ZBTB25: variants seen among roughly 807,000 people sequenced by gnomAD.
The protein encoded by ZBTB25 is zinc finger and BTB domain containing 25, also known as zinc finger and BTB domain-containing protein 25.
A neutral mutation model predicts 34.2 loss-of-function variants in ZBTB25; 20 were observed. The observed-to-expected ratio is 0.58, with a 90% CI of 0.41 to 0.85. The LOEUF (loss-of-function observed/expected upper bound fraction) is 0.85. Among genes scored for constraint, ZBTB25 ranks in the 40% least tolerant of loss-of-function variants. The pLI, the probability that ZBTB25 is intolerant of heterozygous loss-of-function variation, is 0.00. For synonymous variants in ZBTB25, 175 were observed against 186.4 expected, an observed-to-expected ratio of 0.94 and a Z score of 0.50; for missense variants, 437 against 521.8, an observed-to-expected ratio of 0.84 and a Z score of 1.58.
intron 2 of ZBTB25, among the ~76,000 whole-genome samples, chr14:64,459,351 G>A (rs1234486366): frequency 1.3e-5 from 2 of 152,132 alleles, no homozygotes. Flanking sequence ...ACAGGTTGGG[G>A]GAGCACCTGA....
intron 2 of ZBTB25, chr14:64,471,088 T>C (rs1230863580): frequency 6.0e-6 from 1 of 167,060 alleles, no homozygotes; most frequent in Non-Finnish European, 1.5e-5. Flanking sequence ...TGTCTGTGTG[T>C]TGAGACCAGT....
chr14:64,468,382 G>C (rs769429616), intron 2 of ZBTB25: 1 of 1,587,972 alleles, frequency 6.3e-7, no homozygotes. Context: ...GAGAATAAGA[G>C]TGCAGTGTAA....
At chr14:64,449,396 G>T in exon 3 of ZBTB25, 1 of 1,592,500 alleles carries the variant, frequency 6.3e-7, no homozygotes, top group Non-Finnish European at 8.6e-7. Flanking sequence ...AGACAATTCT[G>T]TCTCTCCAGC....
chr14:64,503,140 A>G (rs745490571), intron 1 of ZBTB25: 17 of 985,548 alleles, frequency 1.7e-5, no homozygotes, highest in Non-Finnish European at 1.9e-5. Context: ...TCAAAAAGAA[A>G]AACCGGATAT....
chr14:64,495,708 G>T (rs1436479932), intron 1 of ZBTB25, among the ~76,000 whole-genome samples: 1 of 152,204 alleles, frequency 6.6e-6, no homozygotes, highest in Non-Finnish European at 1.5e-5. Flanking sequence ...TGTAATCCCA[G>T]AACTTTGGGA....
Position 64,488,030 on chromosome 14 carries a change from G to A in ZBTB25, c.201C>T (p.Asp67=), listed in dbSNP as rs765346022. 7 of 1,612,404 alleles carry A rather than the reference G, an allele frequency of 4.3e-6. No individual in the cohort carries two copies. The highest frequency in any genetic ancestry group is 1.7e-5 in the Admixed American group (1 of 59,974). The part of the protein sequence containing the change: ...TSECIKIQPT[D]IQPDIFSYLL... ...AATAGCTGAATATGTCAGGTTGGATGTCAGTTGGTTGTATTTTTATGCATT... is the reference window on the plus strand; with the variant it reads ...AATAGCTGAATATGTCAGGTTGGATATCAGTTGGTTGTATTTTTATGCATT... Residue 67 remains aspartate, a synonymous_variant, in exon 3 of 3, where the codon GAC becomes GAT. Coordinates refer to ENST00000608382, the MANE Select transcript of ZBTB25 (RefSeq NM_006977.5).
chr14:64,452,831 AC>A (rs1221829931), intron 2 of ZBTB25, among the ~76,000 whole-genome samples: 23 of 152,176 alleles, frequency 1.5e-4, no homozygotes, highest in African/African-American at 5.5e-4. Flanking sequence ...GTTTGACAGG[AC>A]TGATCTCCAG....
intron 2 of ZBTB25, chr14:64,467,970 A>C (rs1163128921): frequency 1.3e-5 from 2 of 153,942 alleles, no homozygotes; most frequent in Non-Finnish European, 2.9e-5. Context: ...TGAACTCTTT[A>C]ATAGGGCCAA....
chr14:64,477,139 A>G (rs1226251556), downstream of ZBTB25, among the ~76,000 whole-genome samples: 1 of 152,228 alleles, frequency 6.6e-6, no homozygotes, highest in Non-Finnish European at 1.5e-5. Flanking sequence ...TACTTGCTGC[A>G]GAAATTCAAA....
intron 2 of ZBTB25, chr14:64,459,921 T>C: frequency 6.5e-7 from 1 of 1,535,210 alleles, no homozygotes; most frequent in Non-Finnish European, 8.7e-7. Flanking sequence ...CAGCCTTAAT[T>C]CTCATCATGT....
chr14:64,500,475 A>AAAAAAAGAG (rs35009526), intron 1 of ZBTB25, among the ~76,000 whole-genome samples: 1 of 70,522 alleles, frequency 1.4e-5, no homozygotes, highest in African/African-American at 3.7e-5. Context: ...AAAAAAAAAA[A>AAAAAAAGAG]AGAGAGAGAG....
At chr14:64,504,820 C>G (rs1261896409), upstream of ZBTB25, 1 of 390,106 alleles carries the variant, frequency 2.6e-6, no homozygotes, top group East Asian at 3.7e-5. Context: ...CAGCCCAGCC[C>G]GAGCGCCGAG....
downstream of ZBTB25, among the ~76,000 whole-genome samples, chr14:64,475,203 G>T (rs2078708282): frequency 6.6e-6 from 1 of 152,154 alleles, no homozygotes; most frequent in African/African-American, 2.4e-5. Context: ...ACGTTGGGAG[G>T]CCGAGGCGGG....
intron 1 of ZBTB25, chr14:64,503,378 T>C (rs1237560923): frequency 4.1e-6 from 4 of 985,280 alleles, no homozygotes; most frequent in Non-Finnish European, 4.8e-6. Flanking sequence ...GGGACGGCTC[T>C]GCACCTTCGC....
At position 64,484,987 on chromosome 14, in the gene ZBTB25, G is replaced by C. The variant is rs2078842694; in HGVS notation, c.*1936C>G. 1 of 984,688 alleles carries C rather than the reference G, an allele frequency of 1.0e-6. No individual in the cohort carries two copies. Among genetic ancestry groups the C allele is most frequent in the Non-Finnish European group, 1.2e-6 (1 of 829,246 alleles). The allele number at this position is 984,688 out of a possible 1,614,324, so 61.0% of individuals were successfully genotyped here. A position where few individuals can be genotyped will look rare whatever the true frequency, so the allele number is the denominator to read the frequency against. ...TGTTTTAATTACTCCCAATACAATT[G>C]ATCTTATCAAGTTAGATGTGCTCTC... On this transcript the variant is annotated 3_prime_UTR_variant, in exon 3 of 3. Coordinates refer to ENST00000608382, the MANE Select transcript of ZBTB25 (RefSeq NM_006977.5).
At chr14:64,450,043 G>C (rs1349297318) in intron 2 of ZBTB25, among the ~76,000 whole-genome samples, 1 of 152,166 alleles carries the variant, frequency 6.6e-6, no homozygotes, top group African/African-American at 2.4e-5. Context: ...ACCTGCCTTG[G>C]CCTCCCAAAG....
intron 2 of ZBTB25, chr14:64,449,700 A>G: frequency 7.3e-6 from 11 of 1,506,692 alleles, no homozygotes; most frequent in South Asian, 3.5e-5. Context: ...TACTTCTATT[A>G]GAGCCCCATG....
At position 64,485,337 on chromosome 14, in the gene ZBTB25, C is replaced by T. The variant is rs1453005; in HGVS notation, c.*1586G>A. 805,177 of 985,318 alleles carry T rather than the reference C, an allele frequency of 0.82. 328,957 individuals carry two copies. The highest frequency in any genetic ancestry group is 0.88 in the East Asian group (7,772 of 8,818). The allele number at this position is 985,318 out of a possible 1,614,324, so 61.0% of individuals were successfully genotyped here. ...AATTTTTTAGATGTATTCAAATGCC[C>T]GTGAAGCTTAGAATTTAACAAGAGG... is the stretch of plus-strand genomic sequence containing the variant. On this transcript the variant is annotated 3_prime_UTR_variant, in exon 3 of 3. Transcript: ENST00000608382.
At chr14:64,473,805 A>T (rs1021124528), downstream of ZBTB25, 3 of 166,986 alleles carry the variant, frequency 1.8e-5, no homozygotes, top group African/African-American at 7.2e-5. Flanking sequence ...TTTAAGATTT[A>T]GAGTTCTTTA....
Sources: allele counts gnomAD v4.1 joint callset (sites outside exome capture counted in the v4.1 genomes callset), GRCh38; gene constraint gnomAD v4.1.1; transcripts MANE v1.5; gene names NCBI Gene and HGNC (gene_info 2026-07-23, HGNC 2026-07-21).